Variants in STRA6 observed in about 807,000 individuals in gnomAD.
STRA6 encodes the protein signaling receptor and transporter of retinol STRA6, also known as receptor for retinol uptake STRA6.
A neutral mutation model predicts 83.6 loss-of-function variants in STRA6; 48 were observed. That is an observed-to-expected ratio of 0.57 (90% CI 0.46 to 0.73). The LOEUF is 0.73. Among genes scored for constraint, STRA6 ranks in the 30% least tolerant of loss-of-function variants. The probability of loss-of-function intolerance (pLI) is 0.00; values close to 1 mark genes in which losing one functional copy is unlikely to be tolerated. For synonymous variants in STRA6, 353 were observed against 362.3 expected (o/e 0.97, Z 0.29); for missense variants, 760 against 838.8 (o/e 0.91, Z 1.16).
intron 15 of STRA6, 37 bp downstream of exon 15, chr15:74,182,306 A>G (rs1245204690): frequency 1.2e-6 from 2 of 1,613,932 alleles, no homozygotes; most frequent in Non-Finnish European, 1.7e-6. Flanking sequence ...CGGACCTCTA[A>G]GGAGTCCCTG....
At chr15:74,207,653 C>T, upstream of STRA6, 3 of 1,512,764 alleles carry the variant, frequency 2.0e-6, no homozygotes, top group Non-Finnish European at 2.7e-6. Context: ...AGAGAACACG[C>T]AAGAGAGGCG....
At chr15:74,210,940 T>C (rs926441965), upstream of STRA6, among the ~76,000 whole-genome samples, 2 of 152,150 alleles carry the variant, frequency 1.3e-5, no homozygotes, top group African/African-American at 4.8e-5. Context: ...ATAGAAGTCA[T>C]GAGTTAAGTA....
At position 74,196,101 on chromosome 15, in the gene STRA6, C is replaced by A; in HGVS notation, c.313G>T (p.Ala105Ser). The A allele has an allele frequency of 1.2e-6, 2 of 1,614,040 alleles. No homozygotes were observed. Among genetic ancestry groups the A allele is most frequent in the Non-Finnish European group, 1.7e-6 (2 of 1,180,012 alleles). ...AGDRPRAVPA[A>S]VFMVLLSSLC... is the part of the protein sequence containing the mutation. ...GAGCTCAGGAGGACCATGAAAACAG[C>A]AGCAGGCACTGCCCGGGGCCTGTCC... is the stretch of plus-strand genomic sequence containing the variant. Residue 105 changes from alanine (A) to serine (S), a missense_variant, in exon 5 of 19, where the codon GCT (alanine) becomes TCT (serine). Coordinates refer to ENST00000395105, the MANE Select transcript of STRA6 (RefSeq NM_022369.4).
Position 74,188,556 on chromosome 15 carries a change from C to T in STRA6, c.1090+559G>A, listed in dbSNP as rs917215281. ...GTCCCCTCCACAGCGCTGTTGGGAG[C>T]GCCCAGGAGGCAGAGTAAGTAGGTG... On this transcript the variant is annotated intron_variant, in intron 12 of 18. Coordinates refer to ENST00000395105, the MANE Select transcript of STRA6 (RefSeq NM_022369.4). The surrounding 1 kb of genome is among the most constrained non-coding windows in gnomAD (Gnocchi z 4.5). 1.3e-5 allele frequency among the ~76,000 whole-genome samples: 2 copies of T among 152,322 alleles called. No homozygotes were observed. The highest frequency in any genetic ancestry group is 3.9e-4 in the East Asian group (2 of 5,178).
chr15:74,180,563 TTC>T (rs1460601439), intron 18 of STRA6, among the ~76,000 whole-genome samples: 2 of 152,246 alleles, frequency 1.3e-5, no homozygotes, highest in East Asian at 3.9e-4. Context: ...AGCTGTTTCA[TTC>T]TCTCTGTGTG....
At chr15:74,181,556 T>C (rs2072991031) in intron 16 of STRA6, 98 bp from the exon 17 acceptor site, 2 of 1,487,768 alleles carry the variant, frequency 1.3e-6, no homozygotes, top group Non-Finnish European at 1.8e-6. Flanking sequence ...GTGTATTTAC[T>C]GAGTGCCTAC....
At chr15:74,205,935 T>C (rs1567202578), upstream of STRA6, among the ~76,000 whole-genome samples, 1 of 152,214 alleles carries the variant, frequency 6.6e-6, no homozygotes, top group African/African-American at 2.4e-5. Flanking sequence ...AGCTGGAAGG[T>C]CCAGAGGTAA....
upstream of STRA6, among the ~76,000 whole-genome samples, chr15:74,211,855 C>T (rs2074372050): frequency 6.6e-6 from 1 of 151,950 alleles, no homozygotes; most frequent in Admixed American, 6.6e-5. Flanking sequence ...CTCTACTTTC[C>T]TTCTGTCTCT....
At chr15:74,195,710 G>A (rs1367566981) in intron 5 of STRA6, 35 bp from the exon 6 acceptor site, 12 of 1,128,280 alleles carry the variant, frequency 1.1e-5, no homozygotes, top group Non-Finnish European at 2.6e-6. Context: ...ATATTAGCAA[G>A]GGCAAAATGA....
intron 4 of STRA6, among the ~76,000 whole-genome samples, chr15:74,197,044 G>C (rs1196658819): frequency 6.6e-6 from 1 of 152,196 alleles, no homozygotes; most frequent in Non-Finnish European, 1.5e-5. Flanking sequence ...CACACATGGA[G>C]GGCTGCCTGA....
intron 16 of STRA6, 137 bp from the exon 17 acceptor site, chr15:74,181,595 C>G: frequency 8.2e-7 from 1 of 1,226,422 alleles, no homozygotes. Context: ...CTGTGCACCC[C>G]ACCCTGGGCA....
At chr15:74,180,282 AC>A (rs1386765178) in intron 18 of STRA6, 39 bp from the exon 19 acceptor site, 3 of 1,612,860 alleles carry the variant, frequency 1.9e-6, no homozygotes, top group South Asian at 2.2e-5. Flanking sequence ...CTCAGCAAAC[AC>A]CCAGCCAACC....
At chr15:74,210,646 C>T (rs907106458), upstream of STRA6, among the ~76,000 whole-genome samples, 1 of 152,162 alleles carries the variant, frequency 6.6e-6, no homozygotes, top group African/African-American at 2.4e-5. Flanking sequence ...ATGTGTAATT[C>T]TTTTTAAATA....
upstream of STRA6, among the ~76,000 whole-genome samples, chr15:74,205,264 G>A (rs1274850155): frequency 6.6e-6 from 1 of 152,198 alleles, no homozygotes; most frequent in Admixed American, 6.5e-5. Flanking sequence ...AGGAAAACCT[G>A]ACTCTGGGTA....
intron 2 of STRA6, among the ~76,000 whole-genome samples, chr15:74,200,322 G>A (rs1005716240): frequency 1.1e-4 from 16 of 152,218 alleles, no homozygotes; most frequent in Non-Finnish European, 1.9e-4. Context: ...AGAGGCAGGC[G>A]ACAGGCAGCG....
intron 11 of STRA6, 120 bp from the exon 12 acceptor site, chr15:74,189,397 G>A (rs1259444673): frequency 8.5e-6 from 12 of 1,414,830 alleles, no homozygotes; most frequent in Non-Finnish European, 1.2e-5. Flanking sequence ...TTGCCCATCA[G>A]TGTTCTTATC....
intron 5 of STRA6, 60 bp downstream of exon 5, chr15:74,195,948 G>T (rs1305716912): frequency 6.2e-6 from 10 of 1,607,274 alleles, no homozygotes; most frequent in Non-Finnish European, 7.6e-6. Context: ...TTAAAACTCC[G>T]AGACCCCACC....
chr15:74,204,017 C>T (rs2074194298), upstream of STRA6, among the ~76,000 whole-genome samples: 1 of 152,218 alleles, frequency 6.6e-6, no homozygotes. Flanking sequence ...CCCAAGCCTG[C>T]AGGGCAGGAT....
chr15:74,180,742 G>C (rs1209205683), intron 18 of STRA6, 40 bp downstream of exon 18: 2 of 1,580,332 alleles, frequency 1.3e-6, no homozygotes, highest in East Asian at 4.5e-5. Flanking sequence ...AGAAGAAGCT[G>C]GGTAGGCTCT....
Sources: gnomAD v4.1 joint callset for allele counts (sites outside exome capture counted in the v4.1 genomes callset) on GRCh38, gnomAD v4.1.1 for gene constraint, Gnocchi (gnomAD v3.1) non-coding constraint, MANE v1.5 for transcripts, NCBI Gene and HGNC (gene_info 2026-07-23, HGNC 2026-07-21) for gene names.